Variants in NEK10 observed in about 807,000 individuals in gnomAD.
NEK10 encodes the protein NIMA related kinase 10.
In NEK10, 122 loss-of-function variants were observed where a neutral mutation model predicts 159.8. That is an observed-to-expected ratio of 0.76 (90% confidence interval 0.66 to 0.89). The LOEUF (loss-of-function observed/expected upper bound fraction) is 0.89, where lower values mean the gene tolerates loss of function less well. Ranked by LOEUF, NEK10 falls within the 40% of genes least tolerant of loss-of-function variation. The probability of loss-of-function intolerance (pLI) is 0.00; values close to 1 mark genes in which losing one functional copy is unlikely to be tolerated. For synonymous variants in NEK10, 466 were observed against 457.1 expected, an observed-to-expected ratio of 1.02 and a Z score of -0.25; for missense variants, 1,342 against 1,323.1, an observed-to-expected ratio of 1.01 and a Z score of -0.22.
intron 26 of NEK10, among the ~76,000 whole-genome samples, chr3:27,179,190 G>C (rs1005640254): frequency 7.2e-5 from 11 of 151,964 alleles, no homozygotes; most frequent in African/African-American, 2.7e-4. Flanking sequence ...CAGAAAAACT[G>C]GTGTTTTGGG....
chr3:27,186,528 G>A (rs1948637258), intron 26 of NEK10, among the ~76,000 whole-genome samples: 1 of 152,170 alleles, frequency 6.6e-6, no homozygotes. Context: ...CGAACCTTGG[G>A]ATTAGAGTTG....
chr3:27,261,490 C>T (rs1380862918), intron 22 of NEK10, among the ~76,000 whole-genome samples: 2 of 152,170 alleles, frequency 1.3e-5, no homozygotes, highest in Non-Finnish European at 2.9e-5. Flanking sequence ...ACCCAGGAGT[C>T]ATTCAGGAGA....
At chr3:27,341,137 G>C (rs2047173687) in intron 5 of NEK10, among the ~76,000 whole-genome samples, 1 of 152,102 alleles carries the variant, frequency 6.6e-6, no homozygotes, top group South Asian at 2.1e-4. Context: ...ATACATGGGA[G>C]CTTAAAAAAA....
intron 32 of NEK10, among the ~76,000 whole-genome samples, chr3:27,125,148 C>G (rs925988403): frequency 3.9e-5 from 6 of 152,054 alleles, no homozygotes; most frequent in African/African-American, 1.4e-4. Context: ...CCTCTCCCCC[C>G]AAAAAACACT....
intron 31 of NEK10, among the ~76,000 whole-genome samples, chr3:27,133,411 T>G (rs530825259): frequency 6.6e-6 from 1 of 152,160 alleles, no homozygotes; most frequent in Non-Finnish European, 1.5e-5. Flanking sequence ...TATAGTAGAA[T>G]GTAGGGCCCA....
intron 32 of NEK10, among the ~76,000 whole-genome samples, chr3:27,120,965 CTTTG>C (rs1192883527): frequency 3.3e-5 from 5 of 152,262 alleles, no homozygotes; most frequent in East Asian, 1.9e-4. Context: ...TATTCATATA[CTTTG>C]TTTATGAGTT....
Position 27,107,709 on chromosome 3 carries a change from C to G in NEK10, c.*3563G>C, listed in dbSNP as rs573688336. Among the ~76,000 whole-genome samples, 343 of 152,242 alleles carry G rather than the reference C, an allele frequency of 2.3e-3. No individual in the cohort carries two copies. Among genetic ancestry groups the G allele is most frequent in the Non-Finnish European group, 4.2e-3 (287 of 68,008 alleles). Reference sequence around the variant, plus strand: ...GCTGTAACTCCAGGGTGCCAAGAAGCTGTTTCAGATAGATTTCTTTGCATT... The same window carrying G: ...GCTGTAACTCCAGGGTGCCAAGAAGGTGTTTCAGATAGATTTCTTTGCATT... On this transcript the variant is annotated 3_prime_UTR_variant, in exon 36 of 36. Transcript: ENST00000691995.
chr3:27,161,824 G>A (rs1946036833), intron 30 of NEK10, among the ~76,000 whole-genome samples: 1 of 152,102 alleles, frequency 6.6e-6, no homozygotes, highest in Admixed American at 6.5e-5. Flanking sequence ...GGCCACCATG[G>A]TGAAACCCCA....
rs116004644 is a variant in NEK10, at chr3:27,318,464, A to G, written c.447+3713T>C. On this transcript the variant is annotated intron_variant, in intron 6 of 35. Transcript: ENST00000691995. ...GAGAACCTCAAAGAGCTTTGTTTACATGGGTTAGAATGTATCTGTTTATAT... is the reference window on the plus strand; with the variant it reads ...GAGAACCTCAAAGAGCTTTGTTTACGTGGGTTAGAATGTATCTGTTTATAT... Among the ~76,000 whole-genome samples, 1,118 of 152,334 alleles carry G rather than the reference A, an allele frequency of 7.3e-3. 10 individuals are homozygous for G. The highest frequency in any genetic ancestry group is 0.025 in the African/African-American group (1,054 of 41,576).
At chr3:27,202,732 C>T (rs1023330738) in intron 23 of NEK10, 175 bp from the exon 24 acceptor site, 10 of 443,252 alleles carry the variant, frequency 2.3e-5, no homozygotes, top group African/African-American at 2.1e-4. Context: ...CTTAGATGAA[C>T]CAGGAAGCAT....
intron 5 of NEK10, among the ~76,000 whole-genome samples, chr3:27,330,058 G>GT (rs2046290105): frequency 6.6e-6 from 1 of 152,036 alleles, no homozygotes. Context: ...TTATTGTTGT[G>GT]TTTTTTATTG....
chr3:27,160,107 G>A (rs538008250), intron 30 of NEK10, among the ~76,000 whole-genome samples: 73 of 151,888 alleles, frequency 4.8e-4, no homozygotes, highest in African/African-American at 1.6e-3. Flanking sequence ...AATATAATCA[G>A]CTTATTTTTT....
rs2044972599 is a variant in NEK10, at chr3:27,314,283, A to G, written c.489+14T>C. 1 of 1,591,570 alleles carries G rather than the reference A, an allele frequency of 6.3e-7. No homozygotes were observed. The highest frequency in any genetic ancestry group is 8.6e-7 in the Non-Finnish European group (1 of 1,164,614). On this transcript the variant is annotated intron_variant, in intron 7 of 35. Transcript: ENST00000691995. ...ATGAAAAGGCAAGACCAGCCACCAC[A>G]AAAGGAATCTTACCTGAGCTAGGTT...
intron 32 of NEK10, 121 bp from the exon 33 acceptor site, chr3:27,119,989 T>G: frequency 1.5e-6 from 1 of 666,596 alleles, no homozygotes; most frequent in Non-Finnish European, 2.7e-6. Context: ...GTTCTGTGGT[T>G]TTCAATCCCT....
chr3:27,249,543 C>A (rs891705351), intron 23 of NEK10, among the ~76,000 whole-genome samples: 1 of 152,030 alleles, frequency 6.6e-6, no homozygotes, highest in Non-Finnish European at 1.5e-5. Flanking sequence ...ATAGCTACTT[C>A]TGCTCTTTTT....
rs148929788 is a variant in NEK10, at chr3:27,280,912, G to GGTGTGTGTGTGT, written c.2014+3678_2014+3689dup. 1.7e-3 allele frequency among the ~76,000 whole-genome samples: 235 copies of GGTGTGTGTGTGT among 137,708 alleles called. 1 individual carries two copies. The highest frequency in any genetic ancestry group is 5.4e-3 in the African/African-American group (213 of 39,512). 90.3% of individuals were successfully genotyped at this position (137,708 alleles called of 152,430 possible). A position where few individuals can be genotyped will look rare whatever the true frequency, so the allele number is the denominator to read the frequency against. On this transcript the variant is annotated intron_variant, in intron 22 of 35. Coordinates refer to ENST00000691995, the MANE Select transcript of NEK10 (RefSeq NM_001394966.1). ...TATATGTGTGTGTATATGTACATAT[G>GGTGTGTGTGTGT]GTGTGTGTGTGTGTGTGTGTGTGTG...
intron 32 of NEK10, 150 bp downstream of exon 32, chr3:27,131,730 A>T (rs1942642523): frequency 2.4e-6 from 1 of 415,316 alleles, no homozygotes; most frequent in South Asian, 9.4e-5. Flanking sequence ...AATCAGAAGC[A>T]AAGACATATC....
chr3:27,310,995 G>C lies in NEK10; in HGVS notation c.590C>G (p.Ala197Gly). 6.2e-7 allele frequency: 1 copy of C among 1,611,608 alleles called. No individual in the cohort carries two copies. Among genetic ancestry groups the C allele is most frequent in the African/African-American group, 1.3e-5 (1 of 74,960 alleles). The change falls in exon 9 of 36, where the codon GCA becomes GGA. Residue 197 changes from alanine (A) to glycine (G), a missense_variant. Transcript: ENST00000691995. ...GACCCATTCTCTTTGATCTTTGACTGCAGCAAGTTTTTGAAAAATATCTAT... is the reference window on the plus strand; with the variant it reads ...GACCCATTCTCTTTGATCTTTGACTCCAGCAAGTTTTTGAAAAATATCTAT... ...NMTYIFQKLA[A>G]VKDQREWVTT...
At chr3:27,286,556 T>C (rs1392314195) in intron 20 of NEK10, among the ~76,000 whole-genome samples, 1 of 139,922 alleles carries the variant, frequency 7.1e-6, no homozygotes, top group Non-Finnish European at 1.5e-5. Flanking sequence ...TTTTTTTTTT[T>C]TTTTTTTTTT....
Sources: gnomAD v4.1 joint callset for allele counts (sites outside exome capture counted in the v4.1 genomes callset) on GRCh38, gnomAD v4.1.1 for gene constraint, MANE v1.5 for transcripts, NCBI Gene and HGNC (gene_info 2026-07-23, HGNC 2026-07-21) for gene names.